UBE2E2: variants seen among roughly 807,000 people sequenced by gnomAD.
The protein encoded by UBE2E2 is ubiquitin conjugating enzyme E2 E2.
UBE2E2 carries 6 observed loss-of-function variants against 24.7 expected under a neutral mutation model. The observed-to-expected ratio is 0.24, with a 90% CI of 0.13 to 0.48. The LOEUF (loss-of-function observed/expected upper bound fraction) is 0.48, where lower values mean the gene tolerates loss of function less well. Among genes scored for constraint, UBE2E2 ranks in the 20% least tolerant of loss-of-function variants. The pLI is 0.99. For synonymous variants in UBE2E2, 104 were observed against 83.6 expected (o/e 1.24, Z -1.33); for missense variants, 169 against 245.0 (o/e 0.69, Z 2.07).
chr3:23,357,848 A>T (rs1312141283), intron 3 of UBE2E2, among the ~76,000 whole-genome samples: 3 of 151,742 alleles, frequency 2.0e-5, no homozygotes, highest in Admixed American at 2.0e-4. Flanking sequence ...AATCTATTTA[A>T]TTTTTTTTGA....
chr3:23,265,435 G>T (rs886735056), intron 3 of UBE2E2, among the ~76,000 whole-genome samples: 1 of 152,144 alleles, frequency 6.6e-6, no homozygotes, highest in Admixed American at 6.6e-5. Flanking sequence ...AGGTGACTGG[G>T]ACCAGCAAGC....
intron 3 of UBE2E2, among the ~76,000 whole-genome samples, chr3:23,263,487 T>A (rs1018019699): frequency 2.0e-5 from 3 of 152,202 alleles, no homozygotes; most frequent in Non-Finnish European, 4.4e-5. Flanking sequence ...GGCTAACAGA[T>A]TCAGTCCCTT....
chr3:23,357,620 C>G (rs1455705294), intron 3 of UBE2E2, among the ~76,000 whole-genome samples: 5 of 152,030 alleles, frequency 3.3e-5, no homozygotes, highest in Non-Finnish European at 7.4e-5. Context: ...TCCATTAATT[C>G]TCTATGGGAG....
At chr3:23,536,766 A>G (rs577534778) in intron 5 of UBE2E2, among the ~76,000 whole-genome samples, 2 of 152,358 alleles carry the variant, frequency 1.3e-5, no homozygotes, top group African/African-American at 2.4e-5. Flanking sequence ...ATTGACCATT[A>G]TAACTGTTGA....
At chr3:23,296,961 C>T (rs1421600704) in intron 3 of UBE2E2, among the ~76,000 whole-genome samples, 3 of 152,304 alleles carry the variant, frequency 2.0e-5, no homozygotes. Flanking sequence ...CACATCCTCT[C>T]CAGCACCTGT....
At chr3:23,420,149 T>C (rs1460543088) in intron 3 of UBE2E2, among the ~76,000 whole-genome samples, 3 of 152,240 alleles carry the variant, frequency 2.0e-5, no homozygotes, top group Admixed American at 2.0e-4. Context: ...ATTATTATTG[T>C]TTCAGTTATC....
chr3:23,590,144 A>C lies in UBE2E2; in HGVS notation c.*313A>C, dbSNP rs1696727805. The C allele has an allele frequency of 3.8e-6, 1 of 260,654 alleles. No individual in the cohort carries two copies. Among genetic ancestry groups the C allele is most frequent in the Non-Finnish European group, 7.2e-6 (1 of 138,740 alleles). The allele number at this position is 260,654 out of a possible 1,614,324, so 16.1% of individuals were successfully genotyped here. ...GTGCAAACAATGTTGGAGCTGTAAT[A>C]GTAAGAGCTTTCTTACAAAGCTTTG... On this transcript the variant is annotated 3_prime_UTR_variant, in exon 6 of 6. Coordinates refer to ENST00000396703, the MANE Select transcript of UBE2E2 (RefSeq NM_152653.4).
chr3:23,352,785 A>G (rs1559358242), intron 3 of UBE2E2, among the ~76,000 whole-genome samples: 1 of 152,222 alleles, frequency 6.6e-6, no homozygotes, highest in Non-Finnish European at 1.5e-5. Context: ...ATGGATTCAC[A>G]GCCGAATTCT....
chr3:23,333,259 G>A lies in UBE2E2; in HGVS notation c.227+115947G>A, dbSNP rs183161594. Among the ~76,000 whole-genome samples, 12 of 152,174 alleles carry A rather than the reference G, an allele frequency of 7.9e-5. No individual in the cohort carries two copies. In the East Asian group the frequency reaches 1.5e-3, roughly 20 times the overall value. ...GAAAGGGTTCTTTTTCAATTTAAAT[G>A]TTTCTTAAATTTCATACCCAGTGTT... On this transcript the variant is annotated intron_variant, in intron 3 of 5. Coordinates refer to ENST00000396703, the MANE Select transcript of UBE2E2 (RefSeq NM_152653.4).
At chr3:23,268,648 A>G (rs1367838593) in intron 3 of UBE2E2, among the ~76,000 whole-genome samples, 2 of 148,732 alleles carry the variant, frequency 1.3e-5, no homozygotes, top group African/African-American at 2.5e-5. Flanking sequence ...TATAGATTCA[A>G]TGCCATCCCC....
rs558368843 is a variant in UBE2E2 at position 23,266,510 on chromosome 3, A to C, written c.227+49198A>C. Among the ~76,000 whole-genome samples, 849 of 152,234 alleles carry C rather than the reference A, an allele frequency of 5.6e-3. 11 individuals carry two copies. Among genetic ancestry groups the C allele is most frequent in the Middle Eastern group, 0.017 (5 of 294 alleles). ...CTTGTAGAGTTTCTGCCGAGAGATCAGCTGTTAGTCTGATGGGCTTCCCTT... is the reference window on the plus strand; with the variant it reads ...CTTGTAGAGTTTCTGCCGAGAGATCCGCTGTTAGTCTGATGGGCTTCCCTT... On this transcript the variant is annotated intron_variant, in intron 3 of 5. Transcript: ENST00000396703.
intron 3 of UBE2E2, among the ~76,000 whole-genome samples, chr3:23,400,607 A>AAC (rs3087043): frequency 0.069 from 9,538 of 137,732 alleles, 631 homozygotes; most frequent in Admixed American, 0.2. Flanking sequence ...GAATAAATGA[A>AAC]ACACACACAC....
intron 3 of UBE2E2, among the ~76,000 whole-genome samples, chr3:23,332,674 G>GGGGT (rs1453236696): frequency 6.5e-5 from 7 of 108,130 alleles, no homozygotes; most frequent in South Asian, 5.6e-4. Context: ...CAGCCAGTGG[G>GGGGT]GTGTGTGTGT....
chr3:23,495,557 A>G (rs910757400), intron 3 of UBE2E2, among the ~76,000 whole-genome samples: 3 of 152,212 alleles, frequency 2.0e-5, no homozygotes, highest in African/African-American at 7.2e-5. Context: ...AACTGAATTT[A>G]TTCATCTACC....
At chr3:23,277,575 G>GT (rs1428966584) in intron 3 of UBE2E2, among the ~76,000 whole-genome samples, 1 of 151,966 alleles carries the variant, frequency 6.6e-6, no homozygotes, top group Non-Finnish European at 1.5e-5. Flanking sequence ...TTTCTCCTTT[G>GT]TTTTTTAAAA....
At position 23,392,035 on chromosome 3, in the gene UBE2E2, A is replaced by G. The variant is rs192418848; in HGVS notation, c.228-107573A>G. Reference sequence around the variant, plus strand: ...ATGTTCTGTTTGTGCTGGCTTACATATATGTAAGTAAAATGGTTTATCATG... The same window carrying G: ...ATGTTCTGTTTGTGCTGGCTTACATGTATGTAAGTAAAATGGTTTATCATG... On this transcript the variant is annotated intron_variant, in intron 3 of 5. Transcript: ENST00000396703. 2.4e-3 allele frequency among the ~76,000 whole-genome samples: 362 copies of G among 152,240 alleles called. 3 individuals are homozygous for G. The highest frequency in any genetic ancestry group is 8.3e-3 in the African/African-American group (346 of 41,530).
At chr3:23,219,753 C>T (rs548046580) in intron 3 of UBE2E2, among the ~76,000 whole-genome samples, 1 of 152,214 alleles carries the variant, frequency 6.6e-6, no homozygotes, top group East Asian at 1.9e-4. Context: ...CTTTTGGTTC[C>T]CTGGGTAGTT....
chr3:23,492,657 C>T (rs188138996), intron 3 of UBE2E2, among the ~76,000 whole-genome samples: 5 of 152,246 alleles, frequency 3.3e-5, no homozygotes, highest in African/African-American at 1.2e-4. Flanking sequence ...TCTAGTTATG[C>T]CATCAATTAT....
chr3:23,265,767 T>C (rs977810888), intron 3 of UBE2E2, among the ~76,000 whole-genome samples: 1 of 152,140 alleles, frequency 6.6e-6, no homozygotes. Context: ...CCCATTGTTA[T>C]TGTGTGGGAG....
Sources: gnomAD v4.1 joint callset for allele counts (sites outside exome capture counted in the v4.1 genomes callset) on GRCh38, gnomAD v4.1.1 for gene constraint, MANE v1.5 for transcripts, NCBI Gene and HGNC (gene_info 2026-07-23, HGNC 2026-07-21) for gene names.